Variants in SHISAL1 observed in about 807,000 individuals in gnomAD.
SHISAL1 encodes the protein shisa like 1.
Under a neutral mutation model 22.6 loss-of-function variants are expected in SHISAL1, and 9 were observed. That is an observed-to-expected ratio of 0.40 (90% confidence interval 0.24 to 0.70). The LOEUF is 0.70. SHISAL1 is among the 30% of genes least tolerant of loss of function. SHISAL1 has a pLI of 0.39. For synonymous variants in SHISAL1, 119 were observed against 115.4 expected (o/e 1.03, Z -0.20); for missense variants, 246 against 270.6 (o/e 0.91, Z 0.64).
intron 4 of SHISAL1, among the ~76,000 whole-genome samples, chr22:44,283,034 A>T (rs75906559): frequency 0.018 from 2,774 of 152,256 alleles, 82 homozygotes; most frequent in African/African-American, 0.064. Context: ...CTGATCTCCA[A>T]ATGAAATCCC....
rs1389904313 is a variant in SHISAL1, at chr22:44,310,261, CAT to C, written c.-33+2488_-33+2489del. ...TGACACGTAGTAGGCACTTTATAAA[CAT>C]GTGTTAATTGGTTGAATGAACATAA... On this transcript the variant is annotated intron_variant, in intron 1 of 4. Transcript: ENST00000381176. The surrounding 1 kb of genome is among the most constrained non-coding windows in gnomAD (Gnocchi z 4.0). 1.1e-4 allele frequency among the ~76,000 whole-genome samples: 17 copies of C among 152,216 alleles called. No individual in the cohort carries two copies. Among genetic ancestry groups the C allele is most frequent in the Admixed American group, 4.6e-4 (7 of 15,290 alleles).
intron 4 of SHISAL1, 130 bp from the exon 5 acceptor site, chr22:44,249,815 A>C: frequency 1.5e-6 from 1 of 689,430 alleles, no homozygotes. Context: ...AACATTGCGA[A>C]CCATGTGACT....
At chr22:44,307,770 G>A (rs1030570221) in intron 1 of SHISAL1, among the ~76,000 whole-genome samples, 2 of 152,210 alleles carry the variant, frequency 1.3e-5, no homozygotes, top group East Asian at 1.9e-4. Context: ...AGGAAGGAGG[G>A]CACGTGAAGA....
At chr22:44,263,166 G>T (rs1211922401) in intron 4 of SHISAL1, among the ~76,000 whole-genome samples, 1 of 143,350 alleles carries the variant, frequency 7.0e-6, no homozygotes, top group African/African-American at 2.5e-5. Flanking sequence ...CGCCACCCGG[G>T]TTCCAGCGAT....
upstream of SHISAL1, among the ~76,000 whole-genome samples, chr22:44,313,146 G>A (rs1227890749): frequency 6.6e-6 from 1 of 152,246 alleles, no homozygotes; most frequent in Non-Finnish European, 1.5e-5. Context: ...TTTTACAGGT[G>A]AGCAAACTAG....
intron 4 of SHISAL1, among the ~76,000 whole-genome samples, chr22:44,252,888 A>G (rs1601773967): frequency 6.6e-6 from 1 of 151,946 alleles, no homozygotes; most frequent in Non-Finnish European, 1.5e-5. Context: ...CCAGCTACTC[A>G]AGAGGCTGAG....
At position 44,244,920 on chromosome 22, in the gene SHISAL1, C is replaced by T. The variant is rs1199438522; in HGVS notation, c.*4765G>A. The T allele has an allele frequency of 2.0e-5, 3 of 152,252 alleles. No homozygotes were observed. The highest frequency in any genetic ancestry group is 4.4e-5 in the Non-Finnish European group (3 of 68,060). 9.4% of individuals were successfully genotyped at this position (152,252 alleles called of 1,614,324 possible). A position where few individuals can be genotyped will look rare whatever the true frequency, so the allele number is the denominator to read the frequency against. ...TTGTTTGCGTGCATTTAAGCACCAG[C>T]GTGGGACGTGTTGGTGCTACAGCAA... On this transcript the variant is annotated 3_prime_UTR_variant, in exon 5 of 5. Transcript: ENST00000381176.
At chr22:44,288,565 C>T (rs531968614) in intron 3 of SHISAL1, among the ~76,000 whole-genome samples, 4 of 152,296 alleles carry the variant, frequency 2.6e-5, no homozygotes, top group Admixed American at 6.5e-5. Flanking sequence ...TGCGTGAATG[C>T]GGGAGGTGGA....
chr22:44,323,681 A>ATCCATCCATCCATCCT, the SHISAL1 span, among the ~76,000 whole-genome samples: 3 of 150,392 alleles, frequency 2.0e-5, no homozygotes, highest in African/African-American at 5.0e-5. Context: ...CCATCCATCC[A>ATCCATCCATCCATCCT]TCCATCCATC....
At chr22:44,273,393 G>A (rs750438232) in intron 4 of SHISAL1, among the ~76,000 whole-genome samples, 5 of 152,188 alleles carry the variant, frequency 3.3e-5, no homozygotes, top group Non-Finnish European at 5.9e-5. Flanking sequence ...TGCAAATACC[G>A]TCACCGGCAC....
chr22:44,247,128 G>GAGAGGGAGGC lies in SHISAL1; in HGVS notation c.*2547_*2556dup, dbSNP rs947464164. The GAGAGGGAGGC allele has an allele frequency of 6.5e-6, 1 of 152,742 alleles. No homozygotes were observed. The highest frequency in any genetic ancestry group is 2.4e-5 in the African/African-American group (1 of 41,466). The allele number at this position is 152,742 out of a possible 1,614,324, so 9.5% of individuals were successfully genotyped here. A position where few individuals can be genotyped will look rare whatever the true frequency, so the allele number is the denominator to read the frequency against. ...GTGACCTTTGACCCCAGGTGTCCAG[G>GAGAGGGAGGC]AGAGGGAGGCAAGGCCACCAGTTCC... On this transcript the variant is annotated 3_prime_UTR_variant, in exon 5 of 5. Transcript: ENST00000381176.
chr22:44,305,845 G>A (rs2055467201), intron 1 of SHISAL1, among the ~76,000 whole-genome samples: 1 of 152,204 alleles, frequency 6.6e-6, no homozygotes, highest in African/African-American at 2.4e-5. Context: ...AAGCCCCAGG[G>A]GCGTGTGGGG....
In SHISAL1 at chr22:44,296,844, G is replaced by A; in HGVS notation, c.109C>T (p.His37Tyr). ...HFRVCEPYTD[H>Y]KGRYHFGFHC... ...AAGCCAAAGTGGTAGCGGCCTTTGTGGTCTGTGTATGGTTCACAGACCCGG... is the reference window on the plus strand; with the variant it reads ...AAGCCAAAGTGGTAGCGGCCTTTGTAGTCTGTGTATGGTTCACAGACCCGG... Residue 37 changes from histidine (H) to tyrosine (Y), a missense_variant, in exon 3 of 5, where the codon CAC becomes TAC. Physicochemically the swap from His to Tyr is moderately conservative, Grantham distance 83. Transcript: ENST00000381176. The A allele has an allele frequency of 1.2e-6, 2 of 1,613,190 alleles. No homozygotes were observed. Among genetic ancestry groups the A allele is most frequent in the Non-Finnish European group, 1.7e-6 (2 of 1,180,016 alleles).
At chr22:44,277,490 A>G (rs536020938) in intron 4 of SHISAL1, among the ~76,000 whole-genome samples, 1 of 151,658 alleles carries the variant, frequency 6.6e-6, no homozygotes, top group Admixed American at 6.5e-5. Flanking sequence ...AAACAGCCTC[A>G]TGGCAGGTGG....
intron 4 of SHISAL1, among the ~76,000 whole-genome samples, chr22:44,257,704 G>A (rs536543930): frequency 1.3e-5 from 2 of 152,346 alleles, no homozygotes; most frequent in South Asian, 2.1e-4. Context: ...GTGAACACCT[G>A]TGAAAGGGAC....
intron 1 of SHISAL1, among the ~76,000 whole-genome samples, chr22:44,303,700 T>C (rs13053366): frequency 0.32 from 48,459 of 152,038 alleles, 7,843 homozygotes; most frequent in South Asian, 0.38. Flanking sequence ...CAGCCTCTCA[T>C]GTGGAGCCTG....
At chr22:44,331,057 T>A in the SHISAL1 span, among the ~76,000 whole-genome samples, 2 of 151,774 alleles carry the variant, frequency 1.3e-5, no homozygotes, top group East Asian at 3.9e-4. The surrounding 1 kb of genome is among the most constrained non-coding windows in gnomAD (Gnocchi z 5.2). Flanking sequence ...TGGAAGCCAG[T>A]CCCCCCCTTG....
intron 3 of SHISAL1, 58 bp from the exon 4 acceptor site, chr22:44,285,803 G>T: frequency 7.1e-7 from 1 of 1,411,470 alleles, no homozygotes; most frequent in Non-Finnish European, 9.9e-7. Flanking sequence ...GCTCAGGCCG[G>T]CTTCATCAGT....
the SHISAL1 span, among the ~76,000 whole-genome samples, chr22:44,319,084 G>A: frequency 2.2e-4 from 34 of 152,386 alleles, no homozygotes; most frequent in African/African-American, 7.5e-4. Context: ...ACAGTAGCCC[G>A]TGAAGACTCC....
Sources: gnomAD v4.1 joint callset for allele counts (sites outside exome capture counted in the v4.1 genomes callset) on GRCh38, gnomAD v4.1.1 for gene constraint, Gnocchi (gnomAD v3.1) non-coding constraint, MANE v1.5 for transcripts, NCBI Gene and HGNC (gene_info 2026-07-23, HGNC 2026-07-21) for gene names.